The following ST3GAL1 variants were observed in gnomAD, a reference collection of about 807,000 sequenced individuals.
ST3GAL1 encodes the protein CMP-N-acetylneuraminate-beta-galactosamide-alpha-2,3-sialyltransferase 1.
ST3GAL1 carries 16 observed loss-of-function variants against 34.1 expected under a neutral mutation model. The observed-to-expected ratio is 0.47, with a 90% CI of 0.32 to 0.71. The LOEUF (loss-of-function observed/expected upper bound fraction) is 0.71. Ranked by LOEUF, ST3GAL1 falls within the 30% of genes least tolerant of loss-of-function variation. The pLI is 0.04. For synonymous variants in ST3GAL1, 191 were observed against 184.7 expected (o/e 1.03, Z -0.28); for missense variants, 353 against 447.4 (o/e 0.79, Z 1.90).
Position 133,456,335 on chromosome 8 carries a change from T to A in ST3GAL1, c.*3429A>T, listed in dbSNP as rs930836373. The A allele has an allele frequency of 6.6e-6, 1 of 152,220 alleles. No homozygotes were observed. Among genetic ancestry groups the A allele is most frequent in the Non-Finnish European group, 1.5e-5 (1 of 68,076 alleles). The allele number at this position is 152,220 out of a possible 1,614,324, so 9.4% of individuals were successfully genotyped here. A position where few individuals can be genotyped will look rare whatever the true frequency, so the allele number is the denominator to read the frequency against. On this transcript the variant is annotated 3_prime_UTR_variant, in exon 10 of 10. Transcript: ENST00000522652. ...TGCTGACACCTCATGGGCCACCTCATCAGCCCATCTTTGTAGCTTCAGGTT... is the reference window on the plus strand; with the variant it reads ...TGCTGACACCTCATGGGCCACCTCAACAGCCCATCTTTGTAGCTTCAGGTT...
intron 1 of ST3GAL1, among the ~76,000 whole-genome samples, chr8:133,547,372 C>T (rs998908542): frequency 1.3e-5 from 2 of 152,008 alleles, no homozygotes; most frequent in East Asian, 1.9e-4. Context: ...CAGGGTCAAG[C>T]GATCCTCCCT....
At chr8:133,471,936 G>A (rs556793342) in intron 5 of ST3GAL1, among the ~76,000 whole-genome samples, 62 of 152,088 alleles carry the variant, frequency 4.1e-4, no homozygotes, top group Middle Eastern at 3.4e-3. Context: ...TGTCCCCTGC[G>A]TATCACAAAA....
chr8:133,470,866 C>T (rs553325529), intron 5 of ST3GAL1, among the ~76,000 whole-genome samples: 15 of 152,260 alleles, frequency 9.9e-5, no homozygotes, highest in African/African-American at 3.6e-4. Context: ...CCTCACCCTG[C>T]ACTCGGGCAT....
Position 133,464,795 on chromosome 8 carries a change from G to A in ST3GAL1, c.666C>T (p.Thr222=). Residue 222 remains threonine, a synonymous_variant, in exon 7 of 10, where the codon ACC becomes ACT. Transcript: ENST00000522652. ...IDLEWVVSAI[T]TGTISHTYIP... Reference sequence around the variant, plus strand: ...GGACTCACTGGGAAATGGTGCCCGTGGTGATGGCGCTCACCACCCACTCCA... The same window carrying A: ...GGACTCACTGGGAAATGGTGCCCGTAGTGATGGCGCTCACCACCCACTCCA... The A allele has an allele frequency of 1.9e-6, 3 of 1,613,428 alleles. No homozygotes were observed. Among genetic ancestry groups the A allele is most frequent in the South Asian group, 2.2e-5 (2 of 91,006 alleles).
At chr8:133,502,944 G>A (rs1817229350) in intron 2 of ST3GAL1, among the ~76,000 whole-genome samples, 1 of 152,220 alleles carries the variant, frequency 6.6e-6, no homozygotes, top group African/African-American at 2.4e-5. Flanking sequence ...TTGACAGAGT[G>A]TGTGCAGTTC....
At chr8:133,550,546 C>T (rs1237559101) in intron 1 of ST3GAL1, among the ~76,000 whole-genome samples, 1 of 152,158 alleles carries the variant, frequency 6.6e-6, no homozygotes, top group African/African-American at 2.4e-5. Flanking sequence ...CTTCCTAATA[C>T]CAGGCGAATT....
chr8:133,564,015 T>A (rs1432503368), intron 1 of ST3GAL1, among the ~76,000 whole-genome samples: 1 of 152,234 alleles, frequency 6.6e-6, no homozygotes, highest in African/African-American at 2.4e-5. Flanking sequence ...CAGAATATCC[T>A]GCCTCTTTTG....
At chr8:133,524,122 A>G (rs1433158524) in intron 2 of ST3GAL1, among the ~76,000 whole-genome samples, 1 of 152,170 alleles carries the variant, frequency 6.6e-6, no homozygotes, top group Non-Finnish European at 1.5e-5. Context: ...TCTCTGCTCA[A>G]TTGCTCCTAT....
intron 2 of ST3GAL1, among the ~76,000 whole-genome samples, chr8:133,499,852 C>T (rs1031691004): frequency 6.6e-6 from 1 of 152,212 alleles, no homozygotes; most frequent in Non-Finnish European, 1.5e-5. Context: ...CACCCACCCC[C>T]ATCCCCAGGG....
At chr8:133,551,572 AAGAAAG>A (rs1413684902) in intron 1 of ST3GAL1, among the ~76,000 whole-genome samples, 1 of 149,178 alleles carries the variant, frequency 6.7e-6, no homozygotes, top group Non-Finnish European at 1.5e-5. Context: ...GAAAGAAAGA[AAGAAAG>A]AAAGAAAGAA....
At chr8:133,519,292 C>T (rs1208973152) in intron 2 of ST3GAL1, among the ~76,000 whole-genome samples, 1 of 152,070 alleles carries the variant, frequency 6.6e-6, no homozygotes, top group Non-Finnish European at 1.5e-5. Context: ...TGCCTCATGC[C>T]CTGTGAGTGA....
At chr8:133,569,114 C>T (rs1819488138) in intron 1 of ST3GAL1, among the ~76,000 whole-genome samples, 1 of 152,220 alleles carries the variant, frequency 6.6e-6, no homozygotes, top group Non-Finnish European at 1.5e-5. Context: ...TTCTCTCTCA[C>T]CCTGGGTGGG....
Position 133,464,896 on chromosome 8 carries a change from G to A in ST3GAL1, c.565C>T (p.Leu189=), listed in dbSNP as rs1815672084. The A allele has an allele frequency of 1.2e-6, 2 of 1,613,952 alleles. No homozygotes were observed. The highest frequency in any genetic ancestry group is 2.7e-5 in the African/African-American group (2 of 74,910). The change falls in exon 7 of 10, where the codon CTG becomes TTG. Residue 189 remains leucine (L), a synonymous_variant. Transcript: ENST00000522652. ...ADVGTKTTHH[L]VYPESFRELG... is the part of the protein sequence containing the mutation. ...TCCCGGAAGCTCTCAGGGTACACCA[G>A]ATGGTGGGTGGTCTTGGTCCCAACA...
At chr8:133,524,154 C>G (rs4736692) in intron 2 of ST3GAL1, among the ~76,000 whole-genome samples, 42,829 of 152,092 alleles carry the variant, frequency 0.28, 6,334 homozygotes, top group African/African-American at 0.35. Context: ...CGCTGGCCCT[C>G]TCAGCTCAAG....
In ST3GAL1 at chr8:133,540,922, T is replaced by TATATATATAGACATATATAGAC. The variant is rs1818476863; in HGVS notation, c.-429+4830_-429+4851dup. Among the ~76,000 whole-genome samples, 103 of 37,748 alleles carry TATATATATAGACATATATAGAC rather than the reference T, an allele frequency of 2.7e-3. 12 individuals carry two copies. Among genetic ancestry groups the TATATATATAGACATATATAGAC allele is most frequent in the African/African-American group, 0.013 (93 of 7,158 alleles). 24.8% of individuals were successfully genotyped at this position (37,748 alleles called of 152,430 possible). A position where few individuals can be genotyped will look rare whatever the true frequency, so the allele number is the denominator to read the frequency against. ...ATATATATAGACATATATATAGACA[T>TATATATATAGACATATATAGAC]ATATATATAGACATATATAGACATA... On this transcript the variant is annotated intron_variant, in intron 2 of 9. Transcript: ENST00000522652.
At chr8:133,482,818 C>G (rs948199530) in intron 3 of ST3GAL1, among the ~76,000 whole-genome samples, 2 of 152,232 alleles carry the variant, frequency 1.3e-5, no homozygotes, top group Non-Finnish European at 2.9e-5. Flanking sequence ...GAACTGCTGT[C>G]CGGCCCATGC....
At chr8:133,500,409 T>C (rs763305632) in intron 2 of ST3GAL1, among the ~76,000 whole-genome samples, 6 of 152,188 alleles carry the variant, frequency 3.9e-5, no homozygotes, top group Non-Finnish European at 2.9e-5. Flanking sequence ...ACATTTTTAG[T>C]ATAATTACAA....
At chr8:133,501,750 A>AAAAC (rs10667124) in intron 2 of ST3GAL1, among the ~76,000 whole-genome samples, 112,337 of 151,066 alleles carry the variant, frequency 0.74, 42,204 homozygotes, top group African/African-American at 0.84. Context: ...ACTCCGTCTC[A>AAAAC]AAACAAACAA....
At chr8:133,482,644 AC>A (rs1816439651) in intron 3 of ST3GAL1, among the ~76,000 whole-genome samples, 1 of 152,154 alleles carries the variant, frequency 6.6e-6, no homozygotes, top group Non-Finnish European at 1.5e-5. Flanking sequence ...ACATCCGGGG[AC>A]TTCCCATTAT....
Sources: allele counts gnomAD v4.1 joint callset (sites outside exome capture counted in the v4.1 genomes callset), GRCh38; gene constraint gnomAD v4.1.1; transcripts MANE v1.5; gene names NCBI Gene and HGNC (gene_info 2026-07-23, HGNC 2026-07-21).